Variants in AOPEP observed in about 807,000 individuals in gnomAD.
The protein encoded by AOPEP is aminopeptidase O (putative), also known as aminopeptidase O.
In AOPEP, 77 loss-of-function variants were observed where a neutral mutation model predicts 98.1. The observed-to-expected ratio is 0.78, with a 90% CI of 0.65 to 0.95. AOPEP has a LOEUF of 0.95. AOPEP is among the 40% of genes least tolerant of loss of function. AOPEP has a pLI of 0.00. For synonymous variants in AOPEP, 346 were observed against 365.3 expected, an observed-to-expected ratio of 0.95 and a Z score of 0.60; for missense variants, 1,024 against 1,024.7, an observed-to-expected ratio of 1.00 and a Z score of 0.01.
intron 7 of AOPEP, among the ~76,000 whole-genome samples, chr9:94,941,181 C>T (rs1052462793): frequency 1.3e-5 from 2 of 152,242 alleles, no homozygotes; most frequent in South Asian, 2.1e-4. Context: ...CCTTGGGTCC[C>T]CTCTGGCTCT....
In AOPEP at chr9:94,747,789, G is replaced by A. The variant is rs537511529; in HGVS notation, c.-135-11860G>A. ...AAGAAGAGTGCTGAAGGGCTGGAAA[G>A]TTTAACACCTGCCCCAACATTTGAG... On this transcript the variant is annotated intron_variant, in intron 1 of 16. Transcript: ENST00000375315. Among the ~76,000 whole-genome samples the A allele has an allele frequency of 3.3e-5, 5 of 152,286 alleles. No individual in the cohort carries two copies. In the East Asian group the frequency reaches 9.6e-4, roughly 29 times the overall value.
chr9:94,895,493 C>G (rs2049420653), intron 5 of AOPEP, among the ~76,000 whole-genome samples: 1 of 149,388 alleles, frequency 6.7e-6, no homozygotes, highest in Admixed American at 6.7e-5. Context: ...AAGATTAAAA[C>G]AAGACAAGGT....
Position 94,894,779 on chromosome 9 carries a change from T to A in AOPEP, c.1365-29207T>A, listed in dbSNP as rs55955887. On this transcript the variant is annotated intron_variant, in intron 5 of 16. Transcript: ENST00000375315. Reference sequence around the variant, plus strand: ...TATAAGCTACTCTTATTTGTAAATATCAATGTAAAAATAACAAACAACATA... The same window carrying A: ...TATAAGCTACTCTTATTTGTAAATAACAATGTAAAAATAACAAACAACATA... Among the ~76,000 whole-genome samples the A allele has an allele frequency of 3.8e-3, 575 of 152,236 alleles. 1 individual carries two copies. Among genetic ancestry groups the A allele is most frequent in the African/African-American group, 0.013 (554 of 41,544 alleles).
At position 95,005,177 on chromosome 9, in the gene AOPEP, G is replaced by A; in HGVS notation, c.1997G>A (p.Arg666His). 3 of 1,151,524 alleles carry A rather than the reference G, an allele frequency of 2.6e-6. No individual in the cohort carries two copies. Among genetic ancestry groups the A allele is most frequent in the Non-Finnish European group, 3.2e-6 (3 of 932,620 alleles). 71.3% of individuals were successfully genotyped at this position (1,151,524 alleles called of 1,614,324 possible). Residue 666 changes from arginine to histidine, a missense_variant, in exon 12 of 17, where the codon CGC becomes CAC. This residue lies in a region of AOPEP where 566 missense variants were observed against 551.7 expected (regional missense o/e 1.03). Transcript: ENST00000375315. ...CCGCAGCCGCTGCAGAGGGAGCGTC[G>A]CGCCGGGGCGGAGTGCGGGCTTGCG... ...GIPKPLQRER[R>H]AGAECGLARQ...
the AOPEP span, among the ~76,000 whole-genome samples, chr9:95,123,163 C>T: frequency 2.6e-5 from 4 of 151,864 alleles, no homozygotes; most frequent in Non-Finnish European, 4.4e-5. Flanking sequence ...ATTAGCTGGG[C>T]GTGGTGGCTT....
intron 16 of AOPEP, chr9:95,085,540 T>C (rs1341955849): frequency 2.0e-6 from 1 of 510,410 alleles, no homozygotes; most frequent in Admixed American, 2.1e-5. Flanking sequence ...GAAGAGAAGG[T>C]GAGATGGGGA....
intron 5 of AOPEP, among the ~76,000 whole-genome samples, chr9:94,891,779 G>T (rs4332191): frequency 0.9 from 136,664 of 152,246 alleles, 61,931 homozygotes; most frequent in East Asian, 0.97. Context: ...TGAAGAATAG[G>T]CTATTACATT....
chr9:95,017,745 A>C (rs1446027660), intron 13 of AOPEP, among the ~76,000 whole-genome samples: 2 of 152,240 alleles, frequency 1.3e-5, no homozygotes, highest in African/African-American at 4.8e-5. Flanking sequence ...ACGACAGTCC[A>C]GTTTTAGAAC....
At chr9:95,109,510 C>T in the AOPEP span, 5 of 151,610 alleles carry the variant, frequency 3.3e-5, no homozygotes, top group Non-Finnish European at 5.9e-5. Flanking sequence ...GGTATCTAAA[C>T]GACTTTTTTT....
chr9:95,101,538 C>A, the AOPEP span: 1 of 819,314 alleles, frequency 1.2e-6, no homozygotes, highest in South Asian at 1.6e-5. Context: ...CCTGGCTCTG[C>A]ATTTTGTAAA....
intron 5 of AOPEP, among the ~76,000 whole-genome samples, chr9:94,882,513 C>T (rs1476088868): frequency 2.0e-5 from 3 of 152,178 alleles, no homozygotes; most frequent in Admixed American, 6.5e-5. Flanking sequence ...GGGTGGCTCA[C>T]GCCTGTAATC....
chr9:94,855,483 G>T (rs1450553966), intron 5 of AOPEP, among the ~76,000 whole-genome samples: 1 of 151,884 alleles, frequency 6.6e-6, no homozygotes, highest in African/African-American at 2.4e-5. Context: ...GAGGTCGGGA[G>T]TTCGAGACCA....
chr9:95,004,955 C>G (rs958166994), intron 11 of AOPEP: 3 of 146,320 alleles, frequency 2.1e-5, no homozygotes, highest in African/African-American at 7.4e-5. Context: ...CGCGCCGCCG[C>G]CCAGGCCCCG....
intron 5 of AOPEP, among the ~76,000 whole-genome samples, chr9:94,863,608 G>A (rs937514663): frequency 1.3e-5 from 2 of 152,022 alleles, no homozygotes; most frequent in East Asian, 1.9e-4. Flanking sequence ...TAGAGACAGG[G>A]TTTTGCCATG....
At chr9:95,041,788 G>A (rs140145003) in intron 13 of AOPEP, among the ~76,000 whole-genome samples, 1,626 of 152,086 alleles carry the variant, frequency 0.011, 33 homozygotes, top group African/African-American at 0.037. Flanking sequence ...CGGCCTCCGT[G>A]GCGCTATAAA....
At chr9:94,907,801 C>A (rs573767510) in intron 5 of AOPEP, among the ~76,000 whole-genome samples, 2 of 152,226 alleles carry the variant, frequency 1.3e-5, no homozygotes, top group Non-Finnish European at 2.9e-5. Context: ...GTGAAGGCAG[C>A]GTGGCCTACA....
intron 5 of AOPEP, chr9:94,900,725 T>C (rs1252103482): frequency 6.6e-6 from 1 of 152,228 alleles, no homozygotes; most frequent in Non-Finnish European, 1.5e-5. Context: ...CAACTTTCAG[T>C]TTCCCCTGCT....
At chr9:94,833,559 G>A (rs533640722) in intron 5 of AOPEP, among the ~76,000 whole-genome samples, 52 of 152,022 alleles carry the variant, frequency 3.4e-4, no homozygotes, top group Middle Eastern at 3.2e-3. Context: ...TCTTACACCA[G>A]GAAGCAAAGA....
the AOPEP span, among the ~76,000 whole-genome samples, chr9:95,108,543 C>T: frequency 1.6e-3 from 238 of 152,326 alleles, 2 homozygotes; most frequent in African/African-American, 5.4e-3. Context: ...CTTCAGAGGC[C>T]GTCCATGCTC....
Sources: allele counts gnomAD v4.1 joint callset (sites outside exome capture counted in the v4.1 genomes callset), GRCh38; gene constraint gnomAD v4.1.1; regional missense constraint gnomAD v4.1.1; transcripts MANE v1.5; gene names NCBI Gene and HGNC (gene_info 2026-07-23, HGNC 2026-07-21).